The following SLC60A2 variants were observed in gnomAD, a reference collection of about 807,000 sequenced individuals.
The protein encoded by SLC60A2 is solute carrier family 60 member 2.
At chr6:111,273,307 A>C in the SLC60A2 span, among the ~76,000 whole-genome samples, 1 of 151,748 alleles carries the variant, frequency 6.6e-6, no homozygotes, top group Non-Finnish European at 1.5e-5. Context: ...CACTATGCTT[A>C]TTATTATTAT....
At chr6:111,278,119 A>G in the SLC60A2 span, 3 of 152,260 alleles carry the variant, frequency 2.0e-5, no homozygotes, top group Non-Finnish European at 2.9e-5. Flanking sequence ...GTTTACCTGC[A>G]AAGAGAGCAA....
At chr6:111,261,961 CA>C in the SLC60A2 span, among the ~76,000 whole-genome samples, 1 of 151,716 alleles carries the variant, frequency 6.6e-6, no homozygotes, top group Non-Finnish European at 1.5e-5. Context: ...GAAACCATTT[CA>C]AAAATAGTTT....
At chr6:111,265,394 A>G in the SLC60A2 span, 2 of 985,336 alleles carry the variant, frequency 2.0e-6, no homozygotes, top group Non-Finnish European at 1.2e-6. Context: ...AATCCTGGCT[A>G]TTCAGGTTCC....
the SLC60A2 span, among the ~76,000 whole-genome samples, chr6:111,274,063 G>T: frequency 6.6e-6 from 1 of 151,900 alleles, no homozygotes; most frequent in Non-Finnish European, 1.5e-5. Flanking sequence ...ACTATGTTGC[G>T]CAGGCTGGTC....
the SLC60A2 span, among the ~76,000 whole-genome samples, chr6:111,276,620 T>C: frequency 1.1e-4 from 16 of 152,338 alleles, no homozygotes; most frequent in Admixed American, 9.1e-4. Flanking sequence ...TAAGTATTAA[T>C]GAACTTTCTT....
the SLC60A2 span, among the ~76,000 whole-genome samples, chr6:111,274,268 C>T: frequency 1.3e-5 from 2 of 152,084 alleles, no homozygotes; most frequent in African/African-American, 2.4e-5. Flanking sequence ...TTTTCTTTGT[C>T]TCTTTTTACA....
the SLC60A2 span, among the ~76,000 whole-genome samples, chr6:111,260,427 C>A: frequency 2.0e-5 from 3 of 152,340 alleles, 1 homozygote; most frequent in African/African-American, 7.2e-5. Flanking sequence ...AAGTGACTTT[C>A]TGGATCACAC....
chr6:111,277,416 G>T, the SLC60A2 span, among the ~76,000 whole-genome samples: 1 of 152,218 alleles, frequency 6.6e-6, no homozygotes, highest in African/African-American at 2.4e-5. Context: ...AGGAGTCCCA[G>T]TTTGCAAGAG....
At chr6:111,267,965 T>G in the SLC60A2 span, 1 of 152,260 alleles carries the variant, frequency 6.6e-6, no homozygotes, top group South Asian at 2.1e-4. Flanking sequence ...AAGCCTTGAC[T>G]TCTTCTAGCC....
At chr6:111,259,839 A>G in the SLC60A2 span, 3 of 849,304 alleles carry the variant, frequency 3.5e-6, no homozygotes, top group Non-Finnish European at 5.2e-6. Flanking sequence ...CAGTTTCATC[A>G]TCTAGAAAAT....
chr6:111,275,599 AG>A, the SLC60A2 span, among the ~76,000 whole-genome samples: 13 of 151,918 alleles, frequency 8.6e-5, no homozygotes, highest in Non-Finnish European at 1.3e-4. Context: ...TAGTAAAAAC[AG>A]GGTTTCACAA....
At chr6:111,266,076 G>T in the SLC60A2 span, 3 of 1,614,122 alleles carry the variant, frequency 1.9e-6, no homozygotes, top group Non-Finnish European at 1.7e-6. Context: ...TGACTCAGAA[G>T]CTCTGTTTGG....
the SLC60A2 span, among the ~76,000 whole-genome samples, chr6:111,276,230 G>A: frequency 6.6e-6 from 1 of 152,224 alleles, no homozygotes; most frequent in Non-Finnish European, 1.5e-5. Flanking sequence ...TGCTGTGAAT[G>A]TGGGTGTACA....
chr6:111,259,634 G>T, the SLC60A2 span: 1 of 1,518,196 alleles, frequency 6.6e-7, no homozygotes, highest in Non-Finnish European at 8.9e-7. Flanking sequence ...AGCCGGAGCC[G>T]GAGGTGGTGG....
At chr6:111,278,804 A>T in the SLC60A2 span, 1 of 152,222 alleles carries the variant, frequency 6.6e-6, no homozygotes, top group Non-Finnish European at 1.5e-5. Context: ...ATGATATAGG[A>T]AGTTCTTAGT....
At chr6:111,273,439 C>T in the SLC60A2 span, among the ~76,000 whole-genome samples, 1 of 151,912 alleles carries the variant, frequency 6.6e-6, no homozygotes, top group Non-Finnish European at 1.5e-5. Context: ...GGTACTGTGT[C>T]CAGCCAGAAA....
the SLC60A2 span, among the ~76,000 whole-genome samples, chr6:111,259,996 T>A: frequency 6.8e-6 from 1 of 147,592 alleles, no homozygotes; most frequent in Non-Finnish European, 1.5e-5. Context: ...CTGCAACCTC[T>A]GCCCCCAGGG....
At chr6:111,279,051 G>A in the SLC60A2 span, among the ~76,000 whole-genome samples, 1 of 152,158 alleles carries the variant, frequency 6.6e-6, no homozygotes, top group Non-Finnish European at 1.5e-5. Flanking sequence ...TTGGTCTGGA[G>A]TGGAGCCTGA....
chr6:111,261,686 C>T, the SLC60A2 span, among the ~76,000 whole-genome samples: 2 of 151,944 alleles, frequency 1.3e-5, no homozygotes, highest in Non-Finnish European at 2.9e-5. Flanking sequence ...CTCCGCATCC[C>T]GTGTTCAAGC....
Sources: gnomAD v4.1 joint callset for allele counts (sites outside exome capture counted in the v4.1 genomes callset) on GRCh38, gnomAD v4.1.1 for gene constraint, MANE v1.5 for transcripts, NCBI Gene and HGNC (gene_info 2026-07-23, HGNC 2026-07-21) for gene names.